Variants in KCNQ1 observed in about 807,000 individuals in gnomAD.
KCNQ1 encodes potassium voltage-gated channel subfamily Q member 1, also known as potassium voltage-gated channel subfamily KQT member 1.
A neutral mutation model predicts 72.4 loss-of-function variants in KCNQ1; 49 were observed. The ratio of observed to expected loss-of-function variants is 0.68; its 90% CI spans 0.54 to 0.86. The LOEUF (loss-of-function observed/expected upper bound fraction) is 0.86. KCNQ1 is among the 40% of genes least tolerant of loss of function. KCNQ1 has a pLI of 0.00. For synonymous variants in KCNQ1, 450 were observed against 412.6 expected, an observed-to-expected ratio of 1.09 and a Z score of -1.10; for missense variants, 790 against 945.1, an observed-to-expected ratio of 0.84 and a Z score of 2.15.
At position 2,767,842 on chromosome 11, in the gene KCNQ1, G is replaced by T. The variant is rs1421439873; in HGVS notation, c.1515-1002G>T. On this transcript the variant is annotated intron_variant, in intron 11 of 15. Coordinates refer to ENST00000155840, the MANE Select transcript of KCNQ1 (RefSeq NM_000218.3). The surrounding 1 kb of genome is among the most constrained non-coding windows in gnomAD (Gnocchi z 4.6). ...TTCACAAGTGTTTCCAGAGGAAGTT[G>T]TGTGAAAGGTGGCTAGAGGACCAGA... is the stretch of plus-strand genomic sequence containing the variant. Among the ~76,000 whole-genome samples the T allele has an allele frequency of 1.3e-5, 2 of 152,234 alleles. No individual in the cohort carries two copies. Among genetic ancestry groups the T allele is most frequent in the African/African-American group, 4.8e-5 (2 of 41,458 alleles).
intron 11 of KCNQ1, among the ~76,000 whole-genome samples, chr11:2,701,238 C>A (rs1850808855): frequency 6.6e-6 from 1 of 152,124 alleles, no homozygotes; most frequent in African/African-American, 2.4e-5. Context: ...GTTCTTCAGC[C>A]CAGAAGAGAA....
chr11:2,752,638 C>T lies in KCNQ1; in HGVS notation c.1515-16206C>T, dbSNP rs1437796524. On this transcript the variant is annotated intron_variant, in intron 11 of 15. Transcript: ENST00000155840. The surrounding 1 kb of genome is among the most constrained non-coding windows in gnomAD (Gnocchi z 5.2). ...CAAAAATAAGGTGCAAACAAGCTCC[C>T]TCAGGCCTCCTTTCCAAGGGCACGC... Among the ~76,000 whole-genome samples, 2 of 152,094 alleles carry T rather than the reference C, an allele frequency of 1.3e-5. No homozygotes were observed. The highest frequency in any genetic ancestry group is 2.9e-5 in the Non-Finnish European group (2 of 68,020).
Position 2,463,400 on chromosome 11 carries a change from C to T in KCNQ1, c.386+17916C>T, listed in dbSNP as rs935264477. 7.2e-5 allele frequency among the ~76,000 whole-genome samples: 11 copies of T among 152,312 alleles called. No individual in the cohort carries two copies. The East Asian group carries it at 1.5e-3, about 21-fold the overall frequency. ...GCTCAAGGAGCCTGGTACAGCTGCA[C>T]GGAGGCGCAGCACCCACAGGACAAG... is the stretch of plus-strand genomic sequence containing the variant. On this transcript the variant is annotated intron_variant, in intron 1 of 15. Coordinates refer to ENST00000155840, the MANE Select transcript of KCNQ1 (RefSeq NM_000218.3). The surrounding 1 kb of genome is among the most constrained non-coding windows in gnomAD (Gnocchi z 7.0).
At chr11:2,528,475 G>C (rs1257336031) in intron 2 of KCNQ1, among the ~76,000 whole-genome samples, 1 of 152,244 alleles carries the variant, frequency 6.6e-6, no homozygotes, top group African/African-American at 2.4e-5. Context: ...ATTGGCCTGA[G>C]CGGTGTCTGT....
chr11:2,804,919 A>G (rs1390334352), intron 15 of KCNQ1, among the ~76,000 whole-genome samples: 1 of 152,260 alleles, frequency 6.6e-6, no homozygotes, highest in Non-Finnish European at 1.5e-5. Context: ...GGTCACCGGA[A>G]CATGTGACAA....
intron 11 of KCNQ1, among the ~76,000 whole-genome samples, chr11:2,705,628 A>C (rs1045890269): frequency 2.0e-5 from 3 of 151,852 alleles, no homozygotes; most frequent in Non-Finnish European, 4.4e-5. Flanking sequence ...TGCCACTTCC[A>C]CAGCTGCCCC....
chr11:2,461,851 GAA>G, intron 1 of KCNQ1: 1 of 519,336 alleles, frequency 1.9e-6, no homozygotes, highest in Non-Finnish European at 3.3e-6. Context: ...GGTGGAGAGA[GAA>G]AGGGGTGGGT....
At chr11:2,631,349 T>A in intron 10 of KCNQ1, 1 of 398,566 alleles carries the variant, frequency 2.5e-6, no homozygotes, top group Non-Finnish European at 4.4e-6. Context: ...CCTCCTTCTA[T>A]TTGATCAAGT....
chr11:2,711,353 G>C lies in KCNQ1; in HGVS notation c.1514+49272G>C, dbSNP rs947203839. Among the ~76,000 whole-genome samples the C allele has an allele frequency of 2.0e-5, 3 of 152,112 alleles. No homozygotes were observed. Among genetic ancestry groups the C allele is most frequent in the African/African-American group, 7.2e-5 (3 of 41,406 alleles). ...TTGGCTTCTGGTAATGCTTCTTTGT[G>C]GTCTCCTGTCTTGCGCACTAATTGT... is the stretch of plus-strand genomic sequence containing the variant. On this transcript the variant is annotated intron_variant, in intron 11 of 15. Transcript: ENST00000155840. The surrounding 1 kb of genome is among the most constrained non-coding windows in gnomAD (Gnocchi z 5.4).
At chr11:2,770,920 G>A (rs919698675) in intron 12 of KCNQ1, among the ~76,000 whole-genome samples, 1 of 152,262 alleles carries the variant, frequency 6.6e-6, no homozygotes, top group African/African-American at 2.4e-5. Flanking sequence ...ATCTGGGCAG[G>A]GCAGTCCCCC....
rs1217344364 is a variant in KCNQ1, at chr11:2,447,388, T to C, written c.386+1904T>C. On this transcript the variant is annotated intron_variant, in intron 1 of 15. Coordinates refer to ENST00000155840, the MANE Select transcript of KCNQ1 (RefSeq NM_000218.3). The surrounding 1 kb of genome is among the most constrained non-coding windows in gnomAD (Gnocchi z 7.6). ...TGGTCCTTTCCAGTTCTGGGTCCTGTCCTTGTAAGACGTGTGCCTGGCCCT... is the reference window on the plus strand; with the variant it reads ...TGGTCCTTTCCAGTTCTGGGTCCTGCCCTTGTAAGACGTGTGCCTGGCCCT... Among the ~76,000 whole-genome samples the C allele has an allele frequency of 1.3e-5, 2 of 152,216 alleles. No individual in the cohort carries two copies. Among genetic ancestry groups the C allele is most frequent in the Non-Finnish European group, 1.5e-5 (1 of 68,004 alleles).
intron 11 of KCNQ1, chr11:2,692,099 C>T (rs1035771236): frequency 1.0e-5 from 4 of 398,566 alleles, no homozygotes; most frequent in African/African-American, 8.2e-5. Flanking sequence ...CACCTCCTCT[C>T]CACAGCCTCC....
chr11:2,700,545 G>A lies in KCNQ1; in HGVS notation c.1514+38464G>A, dbSNP rs957050866. On this transcript the variant is annotated intron_variant, in intron 11 of 15. Coordinates refer to ENST00000155840, the MANE Select transcript of KCNQ1 (RefSeq NM_000218.3). ...TCTCCACCGCCGTGGCACCGGGTGC[G>A]GGAGGCGTTTTCCCCCCTCCCAGCG... Among the ~76,000 whole-genome samples the A allele has an allele frequency of 2.0e-5, 3 of 151,922 alleles. No homozygotes were observed. In the East Asian group the frequency reaches 5.9e-4, roughly 30 times the overall value.
In KCNQ1 at chr11:2,558,681, G is replaced by A. The variant is rs543963543; in HGVS notation, c.478-11947G>A. Among the ~76,000 whole-genome samples the A allele has an allele frequency of 3.9e-5, 6 of 152,348 alleles. No individual in the cohort carries two copies. The East Asian group carries it at 9.6e-4, about 24-fold the overall frequency. Reference sequence around the variant, plus strand: ...CAGCGAGCTGGGTCCCAGGGCTGGAGGCACCTCATTAAACCGCCTGAAACG... The same window carrying A: ...CAGCGAGCTGGGTCCCAGGGCTGGAAGCACCTCATTAAACCGCCTGAAACG... On this transcript the variant is annotated intron_variant, in intron 2 of 15. Coordinates refer to ENST00000155840, the MANE Select transcript of KCNQ1 (RefSeq NM_000218.3).
At chr11:2,539,566 G>A (rs1589938523) in intron 2 of KCNQ1, among the ~76,000 whole-genome samples, 1 of 152,164 alleles carries the variant, frequency 6.6e-6, no homozygotes, top group African/African-American at 2.4e-5. Context: ...AGGGAACACC[G>A]CCATGGTGCT....
At chr11:2,738,679 G>T (rs182135439) in intron 11 of KCNQ1, among the ~76,000 whole-genome samples, 1 of 152,342 alleles carries the variant, frequency 6.6e-6, no homozygotes, top group African/African-American at 2.4e-5. Flanking sequence ...GTGTTCAGGG[G>T]TGGGGTGGAT....
At chr11:2,622,948 A>G (rs1849199396) in intron 10 of KCNQ1, 1 of 398,612 alleles carries the variant, frequency 2.5e-6, no homozygotes, top group South Asian at 1.3e-4. Flanking sequence ...GGGTTTCTAC[A>G]AATGTGTAAC....
chr11:2,554,349 C>G (rs928033131), intron 2 of KCNQ1, among the ~76,000 whole-genome samples: 2 of 152,224 alleles, frequency 1.3e-5, no homozygotes, highest in Non-Finnish European at 2.9e-5. Context: ...TCTATTTCTT[C>G]TTGATGAGGT....
chr11:2,622,214 C>A, intron 10 of KCNQ1: 1 of 398,320 alleles, frequency 2.5e-6, no homozygotes, highest in Non-Finnish European at 4.4e-6. Flanking sequence ...AGTATATTTT[C>A]TTATATTCTG....
Sources: allele counts gnomAD v4.1 joint callset (sites outside exome capture counted in the v4.1 genomes callset), GRCh38; gene constraint gnomAD v4.1.1; non-coding constraint Gnocchi (gnomAD v3.1); transcripts MANE v1.5; gene names NCBI Gene and HGNC (gene_info 2026-07-23, HGNC 2026-07-21).